Variants in PRRG1 observed in about 807,000 individuals in gnomAD.
The protein encoded by PRRG1 is proline rich and Gla domain 1, also known as transmembrane gamma-carboxyglutamic acid protein 1.
Under a neutral mutation model 11.8 loss-of-function variants are expected in PRRG1, and 5 were observed. The observed-to-expected ratio is 0.42, with a 90% confidence interval of 0.22 to 0.89. The LOEUF is 0.89. PRRG1 is among the 40% of genes least tolerant of loss of function. PRRG1 has a pLI of 0.28. For missense variants in PRRG1, 155 were observed against 166.1 expected (o/e 0.93, Z 0.37); for synonymous variants, 66 against 60.4 (o/e 1.09, Z -0.43).
intron 1 of PRRG1, among the ~76,000 whole-genome samples, chrX:37,376,027 A>T (rs782155770): frequency 9.0e-6 from 1 of 110,752 alleles, no homozygotes; most frequent in Admixed American, 9.6e-5. Flanking sequence ...TGTAATTGCA[A>T]CCTCTAATGG....
intron 1 of PRRG1, among the ~76,000 whole-genome samples, chrX:37,402,161 A>G (rs1602005650): frequency 1.8e-5 from 2 of 111,657 alleles, no homozygotes; most frequent in Non-Finnish European, 1.9e-5. Context: ...GAATCAAAAA[A>G]GAGCCCGCAT....
At chrX:37,441,574 G>A (rs1440306310) in intron 3 of PRRG1, 3 of 775,220 alleles carry the variant, frequency 3.9e-6, no homozygotes, top group Non-Finnish European at 4.6e-6. Flanking sequence ...CCCCAACTGC[G>A]AGGCCGCTGT....
intron 1 of PRRG1, among the ~76,000 whole-genome samples, chrX:37,400,436 A>C (rs1931927859): frequency 9.0e-6 from 1 of 111,406 alleles, no homozygotes; most frequent in Non-Finnish European, 1.9e-5. Context: ...GAAACCAACG[A>C]GAACAAAGAC....
intron 1 of PRRG1, among the ~76,000 whole-genome samples, chrX:37,355,809 A>G (rs1463898617): frequency 8.9e-6 from 1 of 112,596 alleles, no homozygotes; most frequent in African/African-American, 3.2e-5. Flanking sequence ...GCTAGCAAAT[A>G]AATCAATAAT....
chrX:37,420,917 CCA>C (rs1407360861), intron 2 of PRRG1, among the ~76,000 whole-genome samples: 1 of 110,448 alleles, frequency 9.1e-6, no homozygotes, highest in Non-Finnish European at 1.9e-5. Flanking sequence ...GGCATCCAAA[CCA>C]CAAACTCACA....
intron 1 of PRRG1, among the ~76,000 whole-genome samples, chrX:37,393,212 T>G (rs1300787557): frequency 1.8e-5 from 2 of 110,695 alleles, no homozygotes; most frequent in East Asian, 2.8e-4. Context: ...AAGAGCAGCA[T>G]GTATAAATAT....
In PRRG1 at chrX:37,454,231, A is replaced by G. The variant is rs190042499; in HGVS notation, c.*610A>G. On this transcript the variant is annotated 3_prime_UTR_variant, in exon 4 of 4. Coordinates refer to ENST00000378628, the MANE Select transcript of PRRG1 (RefSeq NM_001142395.2). ...TGCATAAGCTACTGATAACTTGCTT[A>G]CAGCAGATAGCAATAAGGTATTTGG... 5 of 112,591 alleles carry G rather than the reference A, an allele frequency of 4.4e-5. No individual in the cohort carries two copies. Among genetic ancestry groups the G allele is most frequent in the Admixed American group, 3.7e-4 (4 of 10,672 alleles). 9.3% of individuals were successfully genotyped at this position (112,591 alleles called of 1,213,427 possible). A position where few individuals can be genotyped will look rare whatever the true frequency, so the allele number is the denominator to read the frequency against.
chrX:37,423,904 G>A, intron 2 of PRRG1, among the ~76,000 whole-genome samples: 1 of 110,405 alleles, frequency 9.1e-6, no homozygotes, highest in Non-Finnish European at 1.9e-5. Flanking sequence ...TATTATTCCT[G>A]TATCTTTTCA....
At chrX:37,418,176 A>G (rs1932553414) in intron 2 of PRRG1, among the ~76,000 whole-genome samples, 1 of 112,234 alleles carries the variant, frequency 8.9e-6, no homozygotes, top group Non-Finnish European at 1.9e-5. Flanking sequence ...CCGACTACAA[A>G]TTCAGGGCCT....
intron 3 of PRRG1, among the ~76,000 whole-genome samples, chrX:37,447,638 A>G (rs1187939800): frequency 3.6e-5 from 4 of 112,592 alleles, no homozygotes; most frequent in African/African-American, 9.7e-5. Context: ...AGATGCAACA[A>G]TATCTCTAAT....
At chrX:37,428,682 A>T (rs971415411) in intron 3 of PRRG1, among the ~76,000 whole-genome samples, 1 of 111,718 alleles carries the variant, frequency 9.0e-6, no homozygotes, top group Admixed American at 9.4e-5. Flanking sequence ...CTTTCAGTGG[A>T]TCTACCATTC....
At chrX:37,394,044 G>A (rs1556377461) in intron 1 of PRRG1, among the ~76,000 whole-genome samples, 1 of 112,137 alleles carries the variant, frequency 8.9e-6, no homozygotes, top group African/African-American at 3.2e-5. Flanking sequence ...TATTTACTAT[G>A]CAAACATGAG....
intron 3 of PRRG1, among the ~76,000 whole-genome samples, chrX:37,448,446 G>A (rs1363880149): frequency 8.9e-6 from 1 of 111,921 alleles, no homozygotes; most frequent in East Asian, 2.8e-4. Context: ...ACCAATCACA[G>A]GCTGAAGTGA....
chrX:37,400,341 C>T (rs782378848), intron 1 of PRRG1, among the ~76,000 whole-genome samples: 43 of 111,647 alleles, frequency 3.9e-4, no homozygotes, highest in African/African-American at 1.4e-3. Context: ...CTCAAAACCG[C>T]TCAACTACAT....
chrX:37,358,582 C>T (rs1385347529), intron 1 of PRRG1, among the ~76,000 whole-genome samples: 7 of 111,261 alleles, frequency 6.3e-5, no homozygotes, highest in Non-Finnish European at 1.1e-4. Context: ...CCTGTTTGTC[C>T]ATTCTTTTGC....
At chrX:37,414,123 T>G (rs181231333) in intron 2 of PRRG1, among the ~76,000 whole-genome samples, 1 of 111,632 alleles carries the variant, frequency 9.0e-6, no homozygotes, top group Non-Finnish European at 1.9e-5. Flanking sequence ...CTGTGGAGCA[T>G]ATTTTCATAT....
chrX:37,396,881 A>G (rs1476728129), intron 1 of PRRG1, among the ~76,000 whole-genome samples: 3 of 112,031 alleles, frequency 2.7e-5, no homozygotes, highest in African/African-American at 9.8e-5. Context: ...GATGTTTAGC[A>G]GTACCTGGCC....
intron 1 of PRRG1, among the ~76,000 whole-genome samples, chrX:37,357,923 T>G (rs1556366652): frequency 8.9e-6 from 1 of 112,497 alleles, no homozygotes; most frequent in East Asian, 2.8e-4. Flanking sequence ...GTTGTCAGTG[T>G]TCTGTATTCT....
intron 1 of PRRG1, among the ~76,000 whole-genome samples, chrX:37,387,550 G>C (rs782595873): frequency 9.0e-6 from 1 of 111,172 alleles, no homozygotes; most frequent in East Asian, 2.8e-4. Context: ...AGAGAGAGAG[G>C]GGGGAGGTGC....
Sources: allele counts gnomAD v4.1 joint callset (sites outside exome capture counted in the v4.1 genomes callset), GRCh38; gene constraint gnomAD v4.1.1; transcripts MANE v1.5; gene names NCBI Gene and HGNC (gene_info 2026-07-23, HGNC 2026-07-21).